Variants in AOPEP observed in about 807,000 individuals in gnomAD.
The protein encoded by AOPEP is aminopeptidase O.
Under a neutral mutation model 98.1 loss-of-function variants are expected in AOPEP, and 77 were observed. That is an observed-to-expected ratio of 0.78 (90% CI 0.65 to 0.95). The LOEUF is 0.95. Ranked by LOEUF, AOPEP falls within the 40% of genes least tolerant of loss-of-function variation. AOPEP has a pLI of 0.00. For synonymous variants in AOPEP, 346 were observed against 365.3 expected (o/e 0.95, Z 0.60); for missense variants, 1,024 against 1,024.7 (o/e 1.00, Z 0.01).
intron 5 of AOPEP, among the ~76,000 whole-genome samples, chr9:94,825,760 G>C (rs922931179): frequency 1.3e-5 from 2 of 152,176 alleles, no homozygotes; most frequent in Non-Finnish European, 2.9e-5. Context: ...GGCGCCCATC[G>C]GCATGGTTAA....
intron 5 of AOPEP, among the ~76,000 whole-genome samples, chr9:94,896,848 A>C (rs906685419): frequency 3.3e-5 from 5 of 151,612 alleles, no homozygotes; most frequent in African/African-American, 1.2e-4. Context: ...TAATAATGAC[A>C]TATTAATATT....
intron 7 of AOPEP, 86 bp downstream of exon 7, chr9:94,928,617 G>T: frequency 1.1e-6 from 1 of 921,066 alleles, no homozygotes; most frequent in Admixed American, 2.4e-5. Flanking sequence ...GACATCTGCT[G>T]TGTTTCCTTT....
chr9:94,778,922 A>G (rs1372607163), intron 3 of AOPEP, among the ~76,000 whole-genome samples: 1 of 152,034 alleles, frequency 6.6e-6, no homozygotes, highest in Non-Finnish European at 1.5e-5. Flanking sequence ...CCATTTACTC[A>G]GGAGGCTGAG....
At chr9:94,908,154 G>C (rs1204540236) in intron 5 of AOPEP, among the ~76,000 whole-genome samples, 1 of 152,158 alleles carries the variant, frequency 6.6e-6, no homozygotes, top group Non-Finnish European at 1.5e-5. Flanking sequence ...GACGTCAGTT[G>C]CCTGTGGGTG....
At chr9:94,771,397 G>T (rs1010810755) in intron 2 of AOPEP, among the ~76,000 whole-genome samples, 1 of 152,172 alleles carries the variant, frequency 6.6e-6, no homozygotes, top group East Asian at 1.9e-4. Context: ...AACCCAGGTG[G>T]TACAAAGGTG....
chr9:94,866,577 C>T (rs530672676), intron 5 of AOPEP, among the ~76,000 whole-genome samples: 2 of 152,228 alleles, frequency 1.3e-5, no homozygotes, highest in South Asian at 4.1e-4. Flanking sequence ...ATCAAGGAAG[C>T]TACCTTTCAA....
intron 5 of AOPEP, among the ~76,000 whole-genome samples, chr9:94,834,971 A>G (rs962030128): frequency 2.6e-5 from 4 of 152,236 alleles, no homozygotes; most frequent in Admixed American, 6.5e-5. Context: ...TGGGAAATTT[A>G]TACTTCATCT....
At chr9:95,063,948 T>TGTC (rs140489977) in intron 14 of AOPEP, among the ~76,000 whole-genome samples, 1,785 of 151,410 alleles carry the variant, frequency 0.012, 31 homozygotes, top group African/African-American at 0.041. Flanking sequence ...CTTAGTAAGG[T>TGTC]GTCAGCACAG....
At chr9:95,006,040 G>C (rs1214922563) in intron 13 of AOPEP, 2 of 473,704 alleles carry the variant, frequency 4.2e-6, no homozygotes, top group Non-Finnish European at 8.7e-6. Flanking sequence ...GAGAGAAGAA[G>C]AAAGAAGTGG....
chr9:94,858,440 C>G (rs777621104), intron 5 of AOPEP, among the ~76,000 whole-genome samples: 52 of 152,168 alleles, frequency 3.4e-4, no homozygotes, highest in African/African-American at 1.1e-3. Flanking sequence ...GAAATCAGTA[C>G]GACCAGTAGG....
the AOPEP span, chr9:95,149,892 C>A: frequency 1.4e-5 from 22 of 1,571,138 alleles, no homozygotes; most frequent in Non-Finnish European, 1.8e-5. Flanking sequence ...GGAAAAACGA[C>A]GCAGGATGAC....
chr9:95,013,587 G>T (rs980532717), intron 13 of AOPEP, among the ~76,000 whole-genome samples: 12 of 151,712 alleles, frequency 7.9e-5, no homozygotes, highest in African/African-American at 2.9e-4. Context: ...TTAATTCTGT[G>T]GTTTATATTT....
chr9:94,750,429 CAAAA>C (rs1320219651), intron 1 of AOPEP, among the ~76,000 whole-genome samples: 1 of 151,860 alleles, frequency 6.6e-6, no homozygotes, highest in Admixed American at 6.6e-5. Context: ...ACTAAAAATA[CAAAA>C]AATTAGCCGG....
At chr9:95,110,257 A>G in the AOPEP span, 7 of 1,008,244 alleles carry the variant, frequency 6.9e-6, no homozygotes, top group Non-Finnish European at 8.3e-6. Context: ...ATTTCTTTAT[A>G]CTTCAAAAGT....
chr9:95,077,064 G>T (rs1206217535), intron 14 of AOPEP, among the ~76,000 whole-genome samples: 17 of 152,172 alleles, frequency 1.1e-4, no homozygotes, highest in Admixed American at 1.0e-3. Flanking sequence ...AGGAGAGGGG[G>T]AGGGGACACT....
chr9:94,916,703 A>AT (rs1231239824), intron 5 of AOPEP, among the ~76,000 whole-genome samples: 1 of 150,402 alleles, frequency 6.6e-6, no homozygotes, highest in Non-Finnish European at 1.5e-5. Flanking sequence ...TCAAAAAAAA[A>AT]AAAAAATTAA....
rs374012159 is a variant in AOPEP at position 94,981,131 on chromosome 9, C to T, written c.1977+1704C>T. On this transcript the variant is annotated intron_variant, in intron 11 of 16. Coordinates refer to ENST00000375315, the MANE Select transcript of AOPEP (RefSeq NM_001193329.3). ...AGTGCCCAGAAGCAGGCGCACTCCA[C>T]TTAGGCTGTGGTGCTGGGGCTGGCT... is the stretch of plus-strand genomic sequence containing the variant. Among the ~76,000 whole-genome samples the T allele has an allele frequency of 1.4e-3, 206 of 152,334 alleles. 1 individual carries two copies. The highest frequency in any genetic ancestry group is 3.4e-3 in the Middle Eastern group (1 of 294).
chr9:95,087,471 A>G (rs1231558759), downstream of AOPEP, among the ~76,000 whole-genome samples: 1 of 122,276 alleles, frequency 8.2e-6, no homozygotes, highest in East Asian at 2.6e-4. Flanking sequence ...CGACAGAGCA[A>G]GACTCCATCT....
intron 5 of AOPEP, among the ~76,000 whole-genome samples, chr9:94,897,892 T>C (rs1460409700): frequency 6.8e-6 from 1 of 148,064 alleles, no homozygotes. Flanking sequence ...CAGGCTGGAA[T>C]GCAATAGCAC....
Sources: gnomAD v4.1 joint callset for allele counts (sites outside exome capture counted in the v4.1 genomes callset) on GRCh38, gnomAD v4.1.1 for gene constraint, MANE v1.5 for transcripts, NCBI Gene and HGNC (gene_info 2026-07-23, HGNC 2026-07-21) for gene names.